COL9A2: variants seen among roughly 807,000 people sequenced by gnomAD.
COL9A2 encodes collagen type IX alpha 2 chain, also known as collagen alpha-2(IX) chain.
Under a neutral mutation model 111.6 loss-of-function variants are expected in COL9A2, and 66 were observed. The observed-to-expected ratio is 0.59, with a 90% CI of 0.48 to 0.73. COL9A2 has a LOEUF of 0.73. Ranked by LOEUF, COL9A2 falls within the 30% of genes least tolerant of loss-of-function variation. COL9A2 has a pLI of 0.00. For missense variants in COL9A2, 881 were observed against 954.1 expected (o/e 0.92, Z 1.01); for synonymous variants, 353 against 364.1 (o/e 0.97, Z 0.35).
In COL9A2 at chr1:40,302,342, C is replaced by G. The variant is rs1380085853; in HGVS notation, c.1792+279G>C. 6.6e-6 allele frequency among the ~76,000 whole-genome samples: 1 copy of G among 152,200 alleles called. No homozygotes were observed. The highest frequency in any genetic ancestry group is 1.9e-4 in the East Asian group (1 of 5,200). On this transcript the variant is annotated intron_variant, in intron 30 of 31. Transcript: ENST00000372748. The surrounding 1 kb of genome is among the most constrained non-coding windows in gnomAD (Gnocchi z 4.5). Reference sequence around the variant, plus strand: ...GCTCCAGCCTGCCTGCTTTACTGCTCTGCTGGTCTGCCGCCCCATCTCTAT... The same window carrying G: ...GCTCCAGCCTGCCTGCTTTACTGCTGTGCTGGTCTGCCGCCCCATCTCTAT...
At position 40,303,305 on chromosome 1, in the gene COL9A2, A is replaced by G; in HGVS notation, c.1549-120T>C. The G allele has an allele frequency of 8.4e-7, 1 of 1,190,616 alleles. No homozygotes were observed. The highest frequency in any genetic ancestry group is 1.2e-6 in the Non-Finnish European group (1 of 825,802). 73.8% of individuals were successfully genotyped at this position (1,190,616 alleles called of 1,614,324 possible). ...CTCTGGTGTTGAGTCATTAATTCCC[A>G]AGCTGAGGAACAGATTGTACCTGGG... is the stretch of plus-strand genomic sequence containing the variant. On this transcript the variant is annotated intron_variant, in intron 28 of 31. Coordinates refer to ENST00000372748, the MANE Select transcript of COL9A2 (RefSeq NM_001852.4). The surrounding 1 kb of genome is among the most constrained non-coding windows in gnomAD (Gnocchi z 4.6).
chr1:40,311,460 G>A lies in COL9A2; in HGVS notation c.519+40C>T, dbSNP rs770661131. 5 of 481,138 alleles carry A rather than the reference G, an allele frequency of 1.0e-5. 1 individual carries two copies. Among genetic ancestry groups the A allele is most frequent in the South Asian group, 6.6e-5 (2 of 30,448 alleles). The allele number at this position is 481,138 out of a possible 1,614,324, so 29.8% of individuals were successfully genotyped here. A position where few individuals can be genotyped will look rare whatever the true frequency, so the allele number is the denominator to read the frequency against. The stretch of plus-strand genomic sequence containing the variant: ...CCCGCCTCCCCATCTCTGTGGCCCC[G>A]CCCCCCTGTGTTAGCCCCGCCCCAG... On this transcript the variant is annotated intron_variant, in intron 10 of 31. Transcript: ENST00000372748. The surrounding 1 kb of genome is among the most constrained non-coding windows in gnomAD (Gnocchi z 5.1).
rs1446393376 is a variant in COL9A2, at chr1:40,316,297, C to T, written c.76-633G>A. 1.3e-5 allele frequency among the ~76,000 whole-genome samples: 2 copies of T among 152,214 alleles called. No individual in the cohort carries two copies. The highest frequency in any genetic ancestry group is 4.8e-5 in the African/African-American group (2 of 41,462). ...GCACAGCTGCCCGGTCCTCCCTCTG[C>T]TAAGCCCTGACTGCTGCAGGGGAGC... On this transcript the variant is annotated intron_variant, in intron 1 of 31. Coordinates refer to ENST00000372748, the MANE Select transcript of COL9A2 (RefSeq NM_001852.4). The surrounding 1 kb of genome is among the most constrained non-coding windows in gnomAD (Gnocchi z 5.5).
Position 40,303,807 on chromosome 1 carries a change from C to T in COL9A2, c.1401G>A (p.Gln467=), listed in dbSNP as rs2124048528. 6.4e-7 allele frequency: 1 copy of T among 1,565,010 alleles called. No individual in the cohort carries two copies. Among genetic ancestry groups the T allele is most frequent in the Non-Finnish European group, 8.6e-7 (1 of 1,156,178 alleles). ...GESGEPGPKG[Q]QGVRGEPGYP... is the part of the protein sequence containing the mutation. ...AGAACGCCGGGAGGGGAGGACTCAC[C>T]TGTCCCTTGGGCCCCGGCTCGCCGG... Residue 467 remains glutamine, a splice_region_variant and synonymous_variant, in exon 27 of 32, where the codon CAG becomes CAA. Coordinates refer to ENST00000372748, the MANE Select transcript of COL9A2 (RefSeq NM_001852.4). The surrounding 1 kb of genome is among the most constrained non-coding windows in gnomAD (Gnocchi z 4.6).
chr1:40,305,832 C>T (rs1644021340), intron 20 of COL9A2, 64 bp from the exon 21 acceptor site: 4 of 1,433,368 alleles, frequency 2.8e-6, no homozygotes, highest in Middle Eastern at 1.8e-4. Context: ...CTCAGGGAAA[C>T]CCAACGAAGC....
chr1:40,309,808 TCA>T (rs768359401), intron 16 of COL9A2, 128 bp downstream of exon 16: 4 of 882,222 alleles, frequency 4.5e-6, no homozygotes, highest in Non-Finnish European at 7.6e-6. Context: ...CACTACACAC[TCA>T]CACACACTAC....
chr1:40,304,101 TG>T lies in COL9A2; in HGVS notation c.1288-3del. 1 of 1,559,674 alleles carries T rather than the reference TG, an allele frequency of 6.4e-7. No individual in the cohort carries two copies. The highest frequency in any genetic ancestry group is 8.7e-7 in the Non-Finnish European group (1 of 1,153,472). ...GGGCCCGGTCTTCCCTGGGGAGCCC[TG>T]GAGAAAGCGGGCAGTGAGGGGTTTG... On this transcript the variant is annotated splice_region_variant and splice_polypyrimidine_tract_variant and intron_variant, in intron 24 of 31. Coordinates refer to ENST00000372748, the MANE Select transcript of COL9A2 (RefSeq NM_001852.4).
intron 21 of COL9A2, 99 bp downstream of exon 21, chr1:40,305,616 G>T: frequency 8.9e-7 from 1 of 1,124,916 alleles, no homozygotes; most frequent in Non-Finnish European, 1.4e-6. Context: ...TTGGGTCAGG[G>T]CAGAGCCAGA....
Position 40,307,582 on chromosome 1 carries a change from CTG to C in COL9A2, c.955-85_955-84del. ...TTCTACCCAGATGCAGGTAGGGAAA[CTG>C]AGATCCAGAGGCAAGAAAGGGCATG... On this transcript the variant is annotated intron_variant, in intron 18 of 31. Transcript: ENST00000372748. The surrounding 1 kb of genome is among the most constrained non-coding windows in gnomAD (Gnocchi z 4.8). 1.3e-6 allele frequency: 2 copies of C among 1,591,978 alleles called. No individual in the cohort carries two copies.
Position 40,303,946 on chromosome 1 carries a change from G to A in COL9A2, c.1350C>T (p.Pro450=). The A allele has an allele frequency of 6.4e-7, 1 of 1,560,138 alleles. No homozygotes were observed. The highest frequency in any genetic ancestry group is 1.2e-5 in the South Asian group (1 of 84,770). The change falls in exon 26 of 32, where the codon CCC becomes CCT. Residue 450 remains proline, a synonymous_variant. Coordinates refer to ENST00000372748, the MANE Select transcript of COL9A2 (RefSeq NM_001852.4). This position sits in a 1 kb window ranked among gnomAD's most constrained non-coding sequence, Gnocchi z 4.6. ...CGCTCACCTTCTCGCCTTTCTCTCC[G>A]GGGAGGCCGGCCACCCCTGGGTCAC... ...KVGDPGVAGL[P]GEKGEKGESG... is the part of the protein sequence containing the mutation.
At chr1:40,309,456 A>C (rs1644082204) in intron 16 of COL9A2, among the ~76,000 whole-genome samples, 1 of 150,690 alleles carries the variant, frequency 6.6e-6, no homozygotes, top group Non-Finnish European at 1.5e-5. Context: ...AAAAGAGTTA[A>C]GAGAACTGGG....
In COL9A2 at chr1:40,312,730, C is replaced by G; in HGVS notation, c.303+1G>C. 1 of 1,555,838 alleles carries G rather than the reference C, an allele frequency of 6.4e-7. No individual in the cohort carries two copies. Among genetic ancestry groups the G allele is most frequent in the Non-Finnish European group, 8.7e-7 (1 of 1,148,990 alleles). ...CGCTGAGGCCCCAGCAGGCCCCTTA[C>G]CTTGACTCCAGGGATCCCCATGGGG... On this transcript the variant is annotated splice_donor_variant, in intron 5 of 31. Transcript: ENST00000372748. LOFTEE classifies it high-confidence loss of function. This position sits in a 1 kb window ranked among gnomAD's most constrained non-coding sequence, Gnocchi z 6.0.
intron 31 of COL9A2, 40 bp downstream of exon 31, chr1:40,301,772 C>G (rs1197820727): frequency 6.3e-7 from 1 of 1,591,904 alleles, no homozygotes; most frequent in Non-Finnish European, 8.6e-7. Context: ...AATTCCCAAG[C>G]TGAGGAACAC....
Position 40,303,155 on chromosome 1 carries a change from C to T in COL9A2, c.1579G>A (p.Asp527Asn). The change falls in exon 29 of 32, where the codon GAT becomes AAT. Residue 527 changes from aspartate (D) to asparagine (N), a missense_variant. By Grantham distance (23) the Asp-to-Asn change is conservative (BLOSUM62 1). Transcript: ENST00000372748. The surrounding 1 kb of genome is among the most constrained non-coding windows in gnomAD (Gnocchi z 4.6). ...GRDATDQHIVDVALKMLQEQL... is the reference protein window; with the variant it reads ...GRDATDQHIVNVALKMLQEQL... ...CCTTGCAGCATCTTCAGCGCCACAT[C>T]CACGATGTGCTGGTCAGTGGCATCC... The T allele has an allele frequency of 6.2e-7, 1 of 1,612,902 alleles. No individual in the cohort carries two copies. The highest frequency in any genetic ancestry group is 8.5e-7 in the Non-Finnish European group (1 of 1,179,578).
chr1:40,301,700 A>T, intron 31 of COL9A2, 112 bp downstream of exon 31: 1 of 1,047,042 alleles, frequency 9.6e-7, no homozygotes, highest in South Asian at 1.5e-5. Flanking sequence ...GCTGGGTATC[A>T]AGGACTGAGC....
chr1:40,304,011 G>C (rs1434218902), intron 25 of COL9A2, 39 bp from the exon 26 acceptor site: 1 of 1,570,696 alleles, frequency 6.4e-7, no homozygotes, highest in South Asian at 1.2e-5. Flanking sequence ...CGGTGGCGGC[G>C]GGGACGCAGA....
At position 40,310,958 on chromosome 1, in the gene COL9A2, C is replaced by T; in HGVS notation, c.630+135G>A. 1.6e-6 allele frequency: 2 copies of T among 1,257,138 alleles called. No homozygotes were observed. The highest frequency in any genetic ancestry group is 2.3e-6 in the Non-Finnish European group (2 of 865,792). 77.9% of individuals were successfully genotyped at this position (1,257,138 alleles called of 1,614,324 possible). On this transcript the variant is annotated intron_variant, in intron 12 of 31. Coordinates refer to ENST00000372748, the MANE Select transcript of COL9A2 (RefSeq NM_001852.4). This position sits in a 1 kb window ranked among gnomAD's most constrained non-coding sequence, Gnocchi z 4.9. The stretch of plus-strand genomic sequence containing the variant: ...ACCAGAGACATGCCGACCTGGAGCA[C>T]AGGCCTCCAGCCCCCGGCTCAAGGC...
chr1:40,313,853 C>T (rs77328804), intron 4 of COL9A2, among the ~76,000 whole-genome samples: 5 of 152,154 alleles, frequency 3.3e-5, no homozygotes, highest in Non-Finnish European at 5.9e-5. Context: ...AGGGGAAGAG[C>T]GGAGGAAAGG....
intron 21 of COL9A2, among the ~76,000 whole-genome samples, chr1:40,305,419 T>C (rs74068389): frequency 1.8e-3 from 278 of 152,354 alleles, no homozygotes; most frequent in African/African-American, 6.4e-3. Flanking sequence ...AGGAGACTCA[T>C]AGTTGCAAGT....
Sources: allele counts gnomAD v4.1 joint callset (sites outside exome capture counted in the v4.1 genomes callset), GRCh38; gene constraint gnomAD v4.1.1; non-coding constraint Gnocchi (gnomAD v3.1); transcripts MANE v1.5; gene names NCBI Gene and HGNC (gene_info 2026-07-23, HGNC 2026-07-21).